Variants in MTUS1 observed in about 807,000 individuals in gnomAD.
The protein encoded by MTUS1 is microtubule-associated tumor suppressor 1.
MTUS1 carries 109 observed loss-of-function variants against 120.8 expected under a neutral mutation model. The observed-to-expected ratio is 0.90, with a 90% CI of 0.77 to 1.06. MTUS1 has a LOEUF of 1.06. Among genes scored for constraint, MTUS1 ranks in the 50% least tolerant of loss-of-function variants. MTUS1 has a pLI of 0.00. For synonymous variants in MTUS1, 737 were observed against 550.5 expected (o/e 1.34, Z -4.74); for missense variants, 2,210 against 1,486.3 (o/e 1.49, Z -8.01).
At chr8:17,711,299 T>C (rs1457496145) in intron 6 of MTUS1, among the ~76,000 whole-genome samples, 5 of 152,234 alleles carry the variant, frequency 3.3e-5, no homozygotes, top group Non-Finnish European at 7.3e-5. Context: ...TGAATGTCTG[T>C]TGTTTTGTGT....
intron 13 of MTUS1, among the ~76,000 whole-genome samples, chr8:17,648,079 T>C (rs1050373971): frequency 6.6e-6 from 1 of 152,198 alleles, no homozygotes; most frequent in African/African-American, 2.4e-5. Flanking sequence ...GAATTTGAGA[T>C]TGGGAGGTAT....
At chr8:17,707,433 G>T (rs184857051) in intron 6 of MTUS1, among the ~76,000 whole-genome samples, 218 of 152,130 alleles carry the variant, frequency 1.4e-3, no homozygotes, top group African/African-American at 4.9e-3. Flanking sequence ...TAACCATCGA[G>T]AAGAACCTGG....
At chr8:17,662,118 A>T (rs1809866431) in intron 8 of MTUS1, among the ~76,000 whole-genome samples, 1 of 152,202 alleles carries the variant, frequency 6.6e-6, no homozygotes, top group African/African-American at 2.4e-5. Context: ...CACTGACTAC[A>T]GCTTAGGAGA....
intron 1 of MTUS1, among the ~76,000 whole-genome samples, chr8:17,783,121 G>C (rs992411167): frequency 6.6e-6 from 1 of 152,128 alleles, no homozygotes; most frequent in Non-Finnish European, 1.5e-5. Context: ...AGAACGCAAT[G>C]AGGATAACAT....
intron 6 of MTUS1, among the ~76,000 whole-genome samples, chr8:17,701,439 C>T (rs1819059408): frequency 6.6e-6 from 1 of 152,304 alleles, no homozygotes; most frequent in South Asian, 2.1e-4. Flanking sequence ...AGAACAGTGA[C>T]ATTGCCTTTT....
At chr8:17,677,773 G>C (rs1037302972) in intron 7 of MTUS1, among the ~76,000 whole-genome samples, 1 of 152,124 alleles carries the variant, frequency 6.6e-6, no homozygotes, top group African/African-American at 2.4e-5. Flanking sequence ...TTGTCTAAAT[G>C]GGTTGTGCAA....
intron 12 of MTUS1, among the ~76,000 whole-genome samples, chr8:17,652,522 G>C (rs910392595): frequency 1.4e-4 from 21 of 151,994 alleles, no homozygotes; most frequent in African/African-American, 4.8e-4. Flanking sequence ...CTGCTAATGG[G>C]TCCAGGGTTC....
At chr8:17,699,624 G>A (rs1818641182) in intron 6 of MTUS1, among the ~76,000 whole-genome samples, 3 of 152,186 alleles carry the variant, frequency 2.0e-5, no homozygotes, top group South Asian at 2.1e-4. Context: ...ATTACATTAA[G>A]CTATAACCAC....
At chr8:17,764,889 G>C (rs1011589001) in intron 1 of MTUS1, among the ~76,000 whole-genome samples, 1 of 152,196 alleles carries the variant, frequency 6.6e-6, no homozygotes, top group Non-Finnish European at 1.5e-5. Context: ...GGACCAGGAG[G>C]AGGGGGAGGA....
At chr8:17,724,097 C>T (rs1250717684) in intron 3 of MTUS1, 1 of 555,420 alleles carries the variant, frequency 1.8e-6, no homozygotes, top group Admixed American at 2.7e-5. Flanking sequence ...AAGTAATTAA[C>T]TCACACATGT....
chr8:17,737,662 T>A (rs2047027478), intron 3 of MTUS1, among the ~76,000 whole-genome samples: 1 of 152,150 alleles, frequency 6.6e-6, no homozygotes, highest in African/African-American at 2.4e-5. Context: ...AATTTTTTAA[T>A]GTTTTGTAAA....
intron 5 of MTUS1, among the ~76,000 whole-genome samples, chr8:17,713,611 G>A (rs940051713): frequency 4.6e-5 from 7 of 152,150 alleles, no homozygotes; most frequent in African/African-American, 1.7e-4. Context: ...GGAGAGCAGA[G>A]GCCAGACTTC....
intron 1 of MTUS1, among the ~76,000 whole-genome samples, chr8:17,762,997 C>CT (rs35362554): frequency 0.74 from 109,039 of 146,598 alleles, 41,312 homozygotes; most frequent in East Asian, 0.83. Context: ...CCAATGGTAC[C>CT]TTTTTTTTTT....
At chr8:17,775,593 A>G (rs2050359396) in intron 1 of MTUS1, among the ~76,000 whole-genome samples, 1 of 152,254 alleles carries the variant, frequency 6.6e-6, no homozygotes, top group South Asian at 2.1e-4. Flanking sequence ...AAAATCTTCA[A>G]TGAAATTCTC....
At chr8:17,771,949 G>A (rs1235486759) in intron 1 of MTUS1, among the ~76,000 whole-genome samples, 1 of 152,180 alleles carries the variant, frequency 6.6e-6, no homozygotes, top group Non-Finnish European at 1.5e-5. Flanking sequence ...TCTATGGACA[G>A]AAACTTCACT....
At chr8:17,697,231 TA>T (rs1338644127) in intron 6 of MTUS1, 1 of 1,588,826 alleles carries the variant, frequency 6.3e-7, no homozygotes. Context: ...CGTGCAACAC[TA>T]AACAGAGATC....
chr8:17,697,233 A>C, intron 6 of MTUS1: 1 of 1,594,258 alleles, frequency 6.3e-7, no homozygotes. Flanking sequence ...TGCAACACTA[A>C]ACAGAGATCT....
intron 1 of MTUS1, among the ~76,000 whole-genome samples, chr8:17,775,861 C>T (rs76227786): frequency 2.3e-3 from 354 of 152,250 alleles, no homozygotes; most frequent in Middle Eastern, 3.4e-3. Context: ...ACACACAGCC[C>T]GATACTGAGT....
At chr8:17,713,030 T>C (rs112225373) in intron 6 of MTUS1, among the ~76,000 whole-genome samples, 184 bp downstream of exon 6, 4,953 of 152,302 alleles carry the variant, frequency 0.033, 262 homozygotes, top group African/African-American at 0.11. Context: ...CTTTCATGCA[T>C]TAGATGGCCA....
Sources: gnomAD v4.1 joint callset for allele counts (sites outside exome capture counted in the v4.1 genomes callset) on GRCh38, gnomAD v4.1.1 for gene constraint, MANE v1.5 for transcripts, NCBI Gene and HGNC (gene_info 2026-07-23, HGNC 2026-07-21) for gene names.